DSCAM: variants seen among roughly 807,000 people sequenced by gnomAD.
DSCAM encodes the protein cell adhesion molecule DSCAM.
Under a neutral mutation model 217.7 loss-of-function variants are expected in DSCAM, and 47 were observed. That is an observed-to-expected ratio of 0.22 (90% CI 0.17 to 0.28). The LOEUF is 0.28. DSCAM is among the 10% of genes least tolerant of loss of function. The pLI, the probability that DSCAM is intolerant of heterozygous loss-of-function variation, is 1.00. For missense variants in DSCAM, 2,080 were observed against 2,618.3 expected (o/e 0.79, Z 4.49); for synonymous variants, 1,056 against 1,015.3 (o/e 1.04, Z -0.76).
At chr21:40,606,412 C>A (rs750945170) in intron 3 of DSCAM, among the ~76,000 whole-genome samples, 1 of 152,190 alleles carries the variant, frequency 6.6e-6, no homozygotes. Context: ...TTTTATGTTA[C>A]CTTTAAAATG....
chr21:40,146,752 G>T (rs1490841546), intron 16 of DSCAM, among the ~76,000 whole-genome samples: 1 of 152,160 alleles, frequency 6.6e-6, no homozygotes, highest in South Asian at 2.1e-4. Flanking sequence ...TGGTGGAAGA[G>T]CTCATACCTT....
intron 3 of DSCAM, among the ~76,000 whole-genome samples, chr21:40,503,236 A>G (rs2076183705): frequency 6.6e-6 from 1 of 152,174 alleles, no homozygotes; most frequent in African/African-American, 2.4e-5. Flanking sequence ...CGCTCCACCG[A>G]CCTTGGAGCT....
At chr21:40,122,924 A>ATCTTTT in intron 20 of DSCAM, among the ~76,000 whole-genome samples, 1 of 152,344 alleles carries the variant, frequency 6.6e-6, no homozygotes, top group Non-Finnish European at 1.5e-5. Context: ...CTTGATTAAA[A>ATCTTTT]GATTAATCCA....
intron 3 of DSCAM, among the ~76,000 whole-genome samples, chr21:40,483,488 T>C (rs963006458): frequency 2.0e-5 from 3 of 152,212 alleles, no homozygotes; most frequent in African/African-American, 7.2e-5. Context: ...GAATTATATC[T>C]TTAATAGCTA....
intron 30 of DSCAM, among the ~76,000 whole-genome samples, chr21:40,050,458 C>T (rs905051394): frequency 4.6e-5 from 7 of 151,426 alleles, no homozygotes; most frequent in East Asian, 1.9e-4. Context: ...GAGAAGCCAA[C>T]GGCTGAAGAG....
At chr21:40,175,815 A>ACG (rs1401541279) in intron 15 of DSCAM, among the ~76,000 whole-genome samples, 74 of 149,764 alleles carry the variant, frequency 4.9e-4, no homozygotes, top group Middle Eastern at 6.8e-3. Flanking sequence ...ACACGCACAC[A>ACG]CACACACACG....
At chr21:40,403,629 GCACACACACACA>G (rs3069908) in intron 3 of DSCAM, among the ~76,000 whole-genome samples, 30 of 145,888 alleles carry the variant, frequency 2.1e-4, no homozygotes, top group African/African-American at 5.6e-4. Context: ...GCATGCATGT[GCACACACACACA>G]CACACACACA....
At chr21:40,252,648 G>A (rs2073320427) in intron 11 of DSCAM, among the ~76,000 whole-genome samples, 1 of 152,186 alleles carries the variant, frequency 6.6e-6, no homozygotes, top group South Asian at 2.1e-4. Context: ...GGGTGGCCAG[G>A]TACATGCAAG....
intron 3 of DSCAM, among the ~76,000 whole-genome samples, chr21:40,632,590 C>A (rs1568950560): frequency 6.6e-6 from 1 of 152,224 alleles, no homozygotes; most frequent in South Asian, 2.1e-4. Context: ...TTCAGTATAT[C>A]CAACACTGAG....
chr21:40,321,786 C>G (rs2074262431), intron 8 of DSCAM, among the ~76,000 whole-genome samples: 1 of 152,090 alleles, frequency 6.6e-6, no homozygotes, highest in African/African-American at 2.4e-5. Flanking sequence ...AGATGCAGAC[C>G]TTCGCTTACT....
rs117197751 is a variant in DSCAM at position 40,739,734 on chromosome 21, A to G, written c.44-30963T>C. On this transcript the variant is annotated intron_variant, in intron 1 of 32. Coordinates refer to ENST00000400454, the MANE Select transcript of DSCAM (RefSeq NM_001389.5). ...CAGTTTGGCCCATAACCCTGGGGAT[A>G]AACTGTAGTTTTAACTTCCCGAAAT... Among the ~76,000 whole-genome samples, 6 of 152,204 alleles carry G rather than the reference A, an allele frequency of 3.9e-5. No homozygotes were observed. In the East Asian group the frequency reaches 1.2e-3, roughly 29 times the overall value.
At chr21:40,137,202 A>C (rs1484343972) in intron 18 of DSCAM, among the ~76,000 whole-genome samples, 4 of 146,990 alleles carry the variant, frequency 2.7e-5, no homozygotes, top group Non-Finnish European at 6.0e-5. Context: ...AAAAAAAGCA[A>C]ACACTTAAAA....
intron 3 of DSCAM, among the ~76,000 whole-genome samples, chr21:40,487,273 C>CTCTCTG (rs893271170): frequency 2.0e-5 from 3 of 150,500 alleles, no homozygotes; most frequent in Non-Finnish European, 4.4e-5. Flanking sequence ...CTCTCTCTCT[C>CTCTCTG]TGTGTGTGTG....
intron 32 of DSCAM, among the ~76,000 whole-genome samples, chr21:40,017,401 A>G (rs148594732): frequency 1.3e-5 from 2 of 152,174 alleles, no homozygotes; most frequent in East Asian, 1.9e-4. Context: ...TAGTTATATG[A>G]TTTCACTGGG....
chr21:40,804,411 C>T (rs1006830237), intron 1 of DSCAM, among the ~76,000 whole-genome samples: 4 of 152,130 alleles, frequency 2.6e-5, no homozygotes, highest in African/African-American at 4.8e-5. Flanking sequence ...CTTTCCATTG[C>T]CATTGCCTCT....
chr21:40,548,800 T>C (rs1185018981), intron 3 of DSCAM, among the ~76,000 whole-genome samples: 1 of 152,224 alleles, frequency 6.6e-6, no homozygotes, highest in African/African-American at 2.4e-5. Context: ...AATTGTCCGT[T>C]AGAAGACAAA....
chr21:40,278,505 G>T (rs563520197), intron 10 of DSCAM, among the ~76,000 whole-genome samples: 6 of 152,072 alleles, frequency 3.9e-5, no homozygotes, highest in Non-Finnish European at 5.9e-5. Flanking sequence ...GACCAGGGTG[G>T]GGGCAAGACT....
At chr21:40,576,918 C>T (rs914952744) in intron 3 of DSCAM, among the ~76,000 whole-genome samples, 6 of 151,348 alleles carry the variant, frequency 4.0e-5, no homozygotes, top group Non-Finnish European at 7.4e-5. Context: ...TTAGAGAAAA[C>T]GCCACACTTT....
At chr21:40,522,761 C>A (rs1450069709) in intron 3 of DSCAM, among the ~76,000 whole-genome samples, 1 of 152,142 alleles carries the variant, frequency 6.6e-6, no homozygotes, top group Non-Finnish European at 1.5e-5. Context: ...GATTCAGATG[C>A]CAAATCTTCC....
Sources: allele counts gnomAD v4.1 joint callset (sites outside exome capture counted in the v4.1 genomes callset), GRCh38; gene constraint gnomAD v4.1.1; transcripts MANE v1.5; gene names NCBI Gene and HGNC (gene_info 2026-07-23, HGNC 2026-07-21).